SYT1: variants seen among roughly 807,000 people sequenced by gnomAD.
SYT1 encodes synaptotagmin-1.
In SYT1, 8 loss-of-function variants were observed where a neutral mutation model predicts 44.8. The ratio of observed to expected loss-of-function variants is 0.18; its 90% CI spans 0.10 to 0.32. The LOEUF is 0.32. Among genes scored for constraint, SYT1 ranks in the 10% least tolerant of loss-of-function variants. The pLI, the probability that SYT1 is intolerant of heterozygous loss-of-function variation, is 1.00. For missense variants in SYT1, 286 were observed against 509.3 expected (o/e 0.56, Z 4.22); for synonymous variants, 154 against 188.8 (o/e 0.82, Z 1.51).
At chr12:79,133,818 A>T (rs1869008950) in intron 3 of SYT1, among the ~76,000 whole-genome samples, 1 of 152,230 alleles carries the variant, frequency 6.6e-6, no homozygotes, top group Admixed American at 6.5e-5. Flanking sequence ...GGAAAAAATT[A>T]TCAACACAAT....
chr12:79,125,545 G>C (rs1412398217), intron 3 of SYT1, among the ~76,000 whole-genome samples: 4 of 150,924 alleles, frequency 2.7e-5, no homozygotes, highest in African/African-American at 7.3e-5. Context: ...GCTTGATCCT[G>C]GGAGGTGGAG....
At chr12:79,309,327 A>C (rs1257977638) in intron 8 of SYT1, among the ~76,000 whole-genome samples, 1 of 152,120 alleles carries the variant, frequency 6.6e-6, no homozygotes, top group Non-Finnish European at 1.5e-5. Flanking sequence ...ATATGATCCC[A>C]GTAGGGAATC....
chr12:79,338,767 C>A (rs1426873872), intron 8 of SYT1, among the ~76,000 whole-genome samples: 1 of 151,368 alleles, frequency 6.6e-6, no homozygotes, highest in African/African-American at 2.4e-5. Context: ...GTTTGCCGCA[C>A]CCATTAACTC....
chr12:78,895,964 A>G lies in SYT1; in HGVS notation c.-217+30855A>G, dbSNP rs189257946. ...CAGCTATTTAGTTACCATGCAATGC[A>G]GTTATTTGGGAGCTTTTTCTCAAAT... On this transcript the variant is annotated intron_variant, in intron 1 of 10. Transcript: ENST00000261205. Among the ~76,000 whole-genome samples the G allele has an allele frequency of 1.7e-3, 256 of 151,914 alleles. 2 individuals are homozygous for G. Among genetic ancestry groups the G allele is most frequent in the African/African-American group, 5.9e-3 (246 of 41,544 alleles).
intron 4 of SYT1, among the ~76,000 whole-genome samples, chr12:79,276,903 C>T (rs999263255): frequency 7.1e-6 from 1 of 140,634 alleles, no homozygotes; most frequent in African/African-American, 2.7e-5. Flanking sequence ...ACCTAACAAT[C>T]CAGAAGAAGA....
At chr12:79,311,355 A>C (rs1425592040) in intron 8 of SYT1, among the ~76,000 whole-genome samples, 5 of 151,420 alleles carry the variant, frequency 3.3e-5, no homozygotes, top group Non-Finnish European at 5.9e-5. Flanking sequence ...AATCATTAAA[A>C]AGTCAGGAAA....
chr12:79,190,109 G>A (rs1296841370), intron 3 of SYT1, among the ~76,000 whole-genome samples: 2 of 152,068 alleles, frequency 1.3e-5, no homozygotes, highest in Non-Finnish European at 2.9e-5. Flanking sequence ...ACATCCTGAA[G>A]AAAATCAACC....
intron 1 of SYT1, among the ~76,000 whole-genome samples, chr12:78,955,886 C>T (rs976890232): frequency 6.6e-6 from 1 of 151,178 alleles, no homozygotes; most frequent in African/African-American, 2.4e-5. Flanking sequence ...AATGTCTGCA[C>T]TATCAATTGC....
chr12:79,246,318 G>A (rs1439318064), intron 4 of SYT1, among the ~76,000 whole-genome samples: 2 of 152,076 alleles, frequency 1.3e-5, no homozygotes, highest in Admixed American at 1.3e-4. Context: ...CTTCGCATGT[G>A]TGAATTTTAC....
chr12:79,278,587 A>T (rs1565887660), intron 4 of SYT1, among the ~76,000 whole-genome samples: 1 of 152,232 alleles, frequency 6.6e-6, no homozygotes, highest in East Asian at 1.9e-4. Flanking sequence ...TGACAAGCTA[A>T]TGTCATGCCT....
At chr12:79,070,783 C>T (rs1876216903) in intron 3 of SYT1, among the ~76,000 whole-genome samples, 1 of 152,014 alleles carries the variant, frequency 6.6e-6, no homozygotes, top group African/African-American at 2.4e-5. Flanking sequence ...ATGCTTACTA[C>T]CTGAGTGACA....
At chr12:79,235,981 C>A (rs1876166188) in intron 4 of SYT1, among the ~76,000 whole-genome samples, 1 of 152,166 alleles carries the variant, frequency 6.6e-6, no homozygotes, top group Non-Finnish European at 1.5e-5. Context: ...AATACCAGAG[C>A]TTATATTTAA....
intron 9 of SYT1, among the ~76,000 whole-genome samples, chr12:79,364,919 A>G (rs1031291547): frequency 6.6e-6 from 1 of 152,142 alleles, no homozygotes; most frequent in Non-Finnish European, 1.5e-5. Flanking sequence ...GAACTTCCAT[A>G]TCCTTATTAA....
At chr12:79,334,044 A>T (rs931194769) in intron 8 of SYT1, among the ~76,000 whole-genome samples, 1 of 152,148 alleles carries the variant, frequency 6.6e-6, no homozygotes, top group African/African-American at 2.4e-5. Context: ...TTTGCTTTTA[A>T]TGAGAAACCC....
rs1034103281 is a variant in SYT1, at chr12:78,899,923, GCTCCTA to G, written c.-217+34817_-217+34822del. ...TAATTTTGTTATATAATTGAATTTA[GCTCCTA>G]CTTTTTAATCTAAGTTACTTTTAGA... is the stretch of plus-strand genomic sequence containing the variant. On this transcript the variant is annotated intron_variant, in intron 1 of 10. Transcript: ENST00000261205. Among the ~76,000 whole-genome samples, 15 of 152,086 alleles carry G rather than the reference GCTCCTA, an allele frequency of 9.9e-5. 1 individual carries two copies. The highest frequency in any genetic ancestry group is 3.6e-4 in the African/African-American group (15 of 41,546).
In SYT1 at chr12:79,299,548, A is replaced by G; in HGVS notation, c.807A>G (p.Glu269=). 1 of 1,612,312 alleles carries G rather than the reference A, an allele frequency of 6.2e-7. No homozygotes were observed. The highest frequency in any genetic ancestry group is 8.5e-7 in the Non-Finnish European group (1 of 1,179,152). ...EWRDLQSAEK[E]EQEKLGDICF... ...GTGACCTGCAAAGTGCTGAGAAGGAAGAGGTAAGGGAATTACTAGCATTTC... is the reference window on the plus strand; with the variant it reads ...GTGACCTGCAAAGTGCTGAGAAGGAGGAGGTAAGGGAATTACTAGCATTTC... The change falls in exon 8 of 11, where the codon GAA becomes GAG. Residue 269 remains glutamate, a synonymous_variant. Coordinates refer to ENST00000261205, the MANE Select transcript of SYT1 (RefSeq NM_005639.3).
intron 2 of SYT1, among the ~76,000 whole-genome samples, chr12:79,005,150 C>T (rs768762380): frequency 1.3e-4 from 19 of 151,940 alleles, no homozygotes; most frequent in African/African-American, 4.6e-4. Context: ...GTGAAGTCAG[C>T]GGAGAACCTT....
intron 1 of SYT1, among the ~76,000 whole-genome samples, chr12:78,876,302 A>G (rs1874064887): frequency 1.3e-5 from 2 of 151,436 alleles, no homozygotes; most frequent in Admixed American, 6.6e-5. Context: ...AGTTGCCTAC[A>G]AAGGCATATT....
At chr12:78,971,481 A>C (rs1414302761) in intron 1 of SYT1, among the ~76,000 whole-genome samples, 3 of 152,162 alleles carry the variant, frequency 2.0e-5, no homozygotes, top group African/African-American at 7.2e-5. Flanking sequence ...TCCATGGATT[A>C]AATCAGACAA....
Sources: allele counts gnomAD v4.1 joint callset (sites outside exome capture counted in the v4.1 genomes callset), GRCh38; gene constraint gnomAD v4.1.1; transcripts MANE v1.5; gene names NCBI Gene and HGNC (gene_info 2026-07-23, HGNC 2026-07-21).